DKK3: variants seen among roughly 807,000 people sequenced by gnomAD.
DKK3 encodes dickkopf-related protein 3.
A neutral mutation model predicts 33.2 loss-of-function variants in DKK3; 22 were observed. That is an observed-to-expected ratio of 0.66 (90% CI 0.47 to 0.95). DKK3 has a LOEUF of 0.95. DKK3 is among the 40% of genes least tolerant of loss of function. The pLI, the probability that DKK3 is intolerant of heterozygous loss-of-function variation, is 0.00. For synonymous variants in DKK3, 194 were observed against 188.8 expected (o/e 1.03, Z -0.23); for missense variants, 398 against 458.4 (o/e 0.87, Z 1.20).
intron 3 of DKK3, among the ~76,000 whole-genome samples, chr11:11,981,353 T>A (rs6416121): frequency 0.35 from 53,188 of 152,032 alleles, 10,198 homozygotes; most frequent in African/African-American, 0.49. Flanking sequence ...CCAGCGCTGG[T>A]CATTGAGTAC....
rs567014829 is a variant in DKK3 at position 11,963,101 on chromosome 11, A to G, written c.*1363T>C. The G allele has an allele frequency of 2.6e-5, 4 of 152,812 alleles. No individual in the cohort carries two copies. The highest frequency in any genetic ancestry group is 3.9e-4 in the East Asian group (2 of 5,188). 9.5% of individuals were successfully genotyped at this position (152,812 alleles called of 1,614,324 possible). ...AAGGGAAAAGAAATCCAAGAACTAC[A>G]GAAGAGCAGTTGAAGTGATTTATGC... On this transcript the variant is annotated 3_prime_UTR_variant, in exon 7 of 7. Coordinates refer to ENST00000683431, the MANE Select transcript of DKK3 (RefSeq NM_001018057.2).
chr11:11,971,572 T>C (rs1482933933), intron 3 of DKK3, among the ~76,000 whole-genome samples: 2 of 152,202 alleles, frequency 1.3e-5, no homozygotes, highest in African/African-American at 4.8e-5. Context: ...AAAACATACA[T>C]TCCATTAATT....
intron 3 of DKK3, chr11:11,994,790 C>T (rs959210468): frequency 2.0e-5 from 3 of 152,172 alleles, no homozygotes; most frequent in African/African-American, 7.2e-5. Flanking sequence ...CCCACTTTCT[C>T]GCTTGGTCTC....
chr11:12,009,724 G>T, upstream of DKK3: 9 of 985,610 alleles, frequency 9.1e-6, no homozygotes, highest in Non-Finnish European at 1.1e-5. Context: ...ATCACCGCTG[G>T]CCTTAGTCTG....
chr11:11,997,721 C>G (rs1848328701), intron 3 of DKK3, among the ~76,000 whole-genome samples: 1 of 152,150 alleles, frequency 6.6e-6, no homozygotes, highest in Non-Finnish European at 1.5e-5. Flanking sequence ...AACTGGACCC[C>G]CAGCCTGCTG....
At chr11:11,970,134 T>C (rs1847692921) in intron 3 of DKK3, among the ~76,000 whole-genome samples, 3 of 151,446 alleles carry the variant, frequency 2.0e-5, no homozygotes. Flanking sequence ...GAAAATGGAG[T>C]GGGAGGGACG....
At chr11:11,973,024 T>C (rs1288915354) in intron 3 of DKK3, among the ~76,000 whole-genome samples, 3 of 152,068 alleles carry the variant, frequency 2.0e-5, no homozygotes, top group African/African-American at 7.2e-5. Context: ...AGGGCCTCTA[T>C]CTACCTCTTA....
At chr11:11,993,353 A>C (rs1848225109) in intron 3 of DKK3, among the ~76,000 whole-genome samples, 2 of 151,940 alleles carry the variant, frequency 1.3e-5, no homozygotes, top group Admixed American at 6.6e-5. Flanking sequence ...TATATACTTT[A>C]AATATTATAT....
intron 2 of DKK3, chr11:12,002,043 A>G (rs1023461085): frequency 8.4e-6 from 3 of 357,978 alleles, no homozygotes; most frequent in African/African-American, 6.1e-5. Context: ...ATCCCTGGAC[A>G]TTCCTTTGCA....
At position 12,002,225 on chromosome 11, in the gene DKK3, AC is replaced by A. The variant is rs200657802; in HGVS notation, c.351+74del. 3.7e-4 allele frequency: 539 copies of A among 1,474,266 alleles called. 1 individual carries two copies. The highest frequency in any genetic ancestry group is 9.1e-4 in the Middle Eastern group (5 of 5,486). The allele number at this position is 1,474,266 out of a possible 1,614,324, so 91.3% of individuals were successfully genotyped here. ...GGGCTTGTATATCACATATGAAAAA[AC>A]AAAAACAAAAAAACCTTAGTTCTCT... On this transcript the variant is annotated intron_variant, in intron 2 of 6. Transcript: ENST00000683431.
intron 3 of DKK3, among the ~76,000 whole-genome samples, chr11:11,979,285 G>A (rs1344333379): frequency 6.6e-6 from 1 of 152,204 alleles, no homozygotes; most frequent in African/African-American, 2.4e-5. Context: ...ATCTGCTCAG[G>A]GCCCACAGGC....
intron 3 of DKK3, among the ~76,000 whole-genome samples, chr11:11,987,242 G>C (rs1447368779): frequency 1.3e-5 from 2 of 152,060 alleles, no homozygotes; most frequent in African/African-American, 4.8e-5. Flanking sequence ...ATCTTTCTCA[G>C]CATTAGGTGG....
chr11:11,985,274 C>T (rs1848045857), intron 3 of DKK3, among the ~76,000 whole-genome samples: 1 of 152,176 alleles, frequency 6.6e-6, no homozygotes, highest in African/African-American at 2.4e-5. Context: ...ACCAGGGTTG[C>T]CCCGGCTCTC....
intron 3 of DKK3, among the ~76,000 whole-genome samples, chr11:11,984,120 CT>C (rs1848014473): frequency 6.6e-6 from 1 of 152,112 alleles, no homozygotes; most frequent in Non-Finnish European, 1.5e-5. Context: ...GGGGTCTTAA[CT>C]TTTTTTGTAC....
intron 1 of DKK3, among the ~76,000 whole-genome samples, chr11:12,005,983 A>G (rs1408106281): frequency 6.6e-6 from 1 of 152,218 alleles, no homozygotes; most frequent in Non-Finnish European, 1.5e-5. Context: ...GTGTTTTGTT[A>G]TCATTCATAC....
rs1399192294 is a variant in DKK3 at position 11,976,184 on chromosome 11, A to C, written c.436-7697T>G. Among the ~76,000 whole-genome samples the C allele has an allele frequency of 2.6e-5, 4 of 152,204 alleles. No homozygotes were observed. The East Asian group carries it at 7.7e-4, about 29-fold the overall frequency. ...GAAAAGGCCCAGAACATCAGGCTTG[A>C]GCCAGTGCCCTTCCCATTACCAACA... On this transcript the variant is annotated intron_variant, in intron 3 of 6. Transcript: ENST00000683431.
At chr11:11,999,508 C>T (rs1338144730) in intron 2 of DKK3, among the ~76,000 whole-genome samples, 1 of 152,180 alleles carries the variant, frequency 6.6e-6, no homozygotes, top group Non-Finnish European at 1.5e-5. Flanking sequence ...GCCGATAATC[C>T]CAGCTACTCG....
chr11:11,985,453 T>C (rs757851612), intron 3 of DKK3, among the ~76,000 whole-genome samples: 17 of 152,230 alleles, frequency 1.1e-4, no homozygotes, highest in Non-Finnish European at 2.1e-4. Context: ...TAACCAGTTA[T>C]GTTGTCAGAA....
upstream of DKK3, chr11:12,008,976 C>T: frequency 1.0e-6 from 1 of 1,002,666 alleles, no homozygotes; most frequent in Non-Finnish European, 1.2e-6. This position sits in a 1 kb window ranked among gnomAD's most constrained non-coding sequence, Gnocchi z 4.6. Context: ...AACCCTAGCC[C>T]CTCCTCGACC....
Sources: allele counts gnomAD v4.1 joint callset (sites outside exome capture counted in the v4.1 genomes callset), GRCh38; gene constraint gnomAD v4.1.1; non-coding constraint Gnocchi (gnomAD v3.1); transcripts MANE v1.5; gene names NCBI Gene and HGNC (gene_info 2026-07-23, HGNC 2026-07-21).